SDCCAG8: variants seen among roughly 807,000 people sequenced by gnomAD.
The protein encoded by SDCCAG8 is SHH signaling and ciliogenesis regulator SDCCAG8, also known as serologically defined colon cancer antigen 8.
A neutral mutation model predicts 101.8 loss-of-function variants in SDCCAG8; 74 were observed. The ratio of observed to expected loss-of-function variants is 0.73; its 90% CI spans 0.60 to 0.88. The LOEUF (loss-of-function observed/expected upper bound fraction) is 0.88. Ranked by LOEUF, SDCCAG8 falls within the 40% of genes least tolerant of loss-of-function variation. The probability of loss-of-function intolerance (pLI) is 0.00; values close to 1 mark genes in which losing one functional copy is unlikely to be tolerated. For synonymous variants in SDCCAG8, 281 were observed against 292.9 expected (o/e 0.96, Z 0.41); for missense variants, 787 against 822.6 (o/e 0.96, Z 0.53).
chr1:243,418,286 ATTTGACAT>A (rs2080747684), intron 15 of SDCCAG8, among the ~76,000 whole-genome samples: 1 of 152,142 alleles, frequency 6.6e-6, no homozygotes, highest in African/African-American at 2.4e-5. Context: ...ATGTACTATT[ATTTGACAT>A]TTCAATGTTT....
intron 16 of SDCCAG8, among the ~76,000 whole-genome samples, chr1:243,486,723 C>G (rs1388525192): frequency 2.0e-5 from 3 of 152,338 alleles, no homozygotes; most frequent in Non-Finnish European, 4.4e-5. Context: ...CTGAGCCCAT[C>G]GGTCCAAAGG....
intron 1 of SDCCAG8, chr1:243,267,866 T>G: frequency 8.7e-7 from 1 of 1,151,274 alleles, no homozygotes; most frequent in Non-Finnish European, 1.3e-6. Context: ...CTGCACTAAG[T>G]CCAGTTTGGC....
chr1:243,392,167 C>G (rs764334216), intron 13 of SDCCAG8, among the ~76,000 whole-genome samples: 1 of 152,156 alleles, frequency 6.6e-6, no homozygotes, highest in Non-Finnish European at 1.5e-5. Context: ...TGAGGCTTAT[C>G]TATTCAGGTA....
chr1:243,379,237 CAGT>C (rs2077790140), intron 13 of SDCCAG8, among the ~76,000 whole-genome samples: 1 of 152,206 alleles, frequency 6.6e-6, no homozygotes, highest in African/African-American at 2.4e-5. Context: ...AAAATACTGT[CAGT>C]GGTGAGAGAG....
In SDCCAG8 at chr1:243,416,339, T is replaced by G. The variant is rs554123255; in HGVS notation, c.1744+510T>G. The stretch of plus-strand genomic sequence containing the variant: ...ACTGGAGAAAAGCTTTAGCCATTAA[T>G]CGGTTCTTAATTCACTGTCGCAGCT... On this transcript the variant is annotated intron_variant, in intron 14 of 17. Coordinates refer to ENST00000366541, the MANE Select transcript of SDCCAG8 (RefSeq NM_006642.5). This position sits in a 1 kb window ranked among gnomAD's most constrained non-coding sequence, Gnocchi z 4.3. 3.9e-5 allele frequency among the ~76,000 whole-genome samples: 6 copies of G among 152,214 alleles called. No homozygotes were observed. Among genetic ancestry groups the G allele is most frequent in the Non-Finnish European group, 8.8e-5 (6 of 68,038 alleles).
chr1:243,356,297 A>C (rs1194182092), intron 12 of SDCCAG8, among the ~76,000 whole-genome samples: 1 of 152,086 alleles, frequency 6.6e-6, no homozygotes, highest in Non-Finnish European at 1.5e-5. Flanking sequence ...CAGAACCTGA[A>C]GTTTGAAGTA....
chr1:243,316,965 T>C, intron 9 of SDCCAG8, 72 bp downstream of exon 9: 1 of 1,475,140 alleles, frequency 6.8e-7, no homozygotes, highest in Non-Finnish European at 9.3e-7. Context: ...ATTTATTTGG[T>C]TATTCTTCTA....
chr1:243,397,769 C>T (rs2079115407), intron 13 of SDCCAG8, among the ~76,000 whole-genome samples: 1 of 152,232 alleles, frequency 6.6e-6, no homozygotes, highest in Non-Finnish European at 1.5e-5. Context: ...TTTCAGTGAC[C>T]TGCCTTTGGG....
chr1:243,280,111 C>G (rs1558226395), intron 4 of SDCCAG8, among the ~76,000 whole-genome samples: 4 of 152,132 alleles, frequency 2.6e-5, no homozygotes, highest in Admixed American at 2.6e-4. Context: ...ATCTATTCCT[C>G]CCTCTGTGAG....
At chr1:243,373,469 G>A (rs185939816) in intron 12 of SDCCAG8, among the ~76,000 whole-genome samples, 45 of 152,164 alleles carry the variant, frequency 3.0e-4, no homozygotes, top group Non-Finnish European at 5.9e-4. Flanking sequence ...GGTCAGGTAC[G>A]CTTTGGCTGA....
chr1:243,256,084 C>A lies in SDCCAG8; in HGVS notation c.-90C>A, dbSNP rs2066624266. On this transcript the variant is annotated 5_prime_UTR_variant, in exon 1 of 18. Transcript: ENST00000366541. ...ACAGCCGCGGCAGGAAGCAGGCGGGCGCTCCCCGGCCACAGGCCTGTTGTT... is the reference window on the plus strand; with the variant it reads ...ACAGCCGCGGCAGGAAGCAGGCGGGAGCTCCCCGGCCACAGGCCTGTTGTT... 1.6e-6 allele frequency: 2 copies of A among 1,240,736 alleles called. No homozygotes were observed. The highest frequency in any genetic ancestry group is 1.2e-6 in the Non-Finnish European group (1 of 840,172). The allele number at this position is 1,240,736 out of a possible 1,614,324, so 76.9% of individuals were successfully genotyped here. A position where few individuals can be genotyped will look rare whatever the true frequency, so the allele number is the denominator to read the frequency against.
At position 243,270,219 on chromosome 1, in the gene SDCCAG8, C is replaced by A. The variant is rs1466620787; in HGVS notation, c.182C>A (p.Ala61Asp). Residue 61 changes from alanine to aspartate, a missense_variant, in exon 2 of 18, where the codon GCC becomes GAC. By Grantham distance (126) the Ala-to-Asp change is moderately radical. Coordinates refer to ENST00000366541, the MANE Select transcript of SDCCAG8 (RefSeq NM_006642.5). ...SFSTSVGNED[A>D]RTAWPELQQS... The stretch of plus-strand genomic sequence containing the variant: ...AGCACCAGTGTGGGAAATGAGGACG[C>A]CAGGACAGCCTGGCCCGAATTACAA... The A allele has an allele frequency of 2.5e-6, 4 of 1,614,120 alleles. No homozygotes were observed. The highest frequency in any genetic ancestry group is 3.4e-6 in the Non-Finnish European group (4 of 1,180,010).
At chr1:243,415,896 A>G in intron 14 of SDCCAG8, 67 bp downstream of exon 14, 1 of 1,584,338 alleles carries the variant, frequency 6.3e-7, no homozygotes, top group South Asian at 1.1e-5. Context: ...CTTACTGTGA[A>G]ATGACATCAG....
Position 243,344,238 on chromosome 1 carries a change from G to T in SDCCAG8, c.1380G>T (p.Gln460His). 1 of 1,613,920 alleles carries T rather than the reference G, an allele frequency of 6.2e-7. No homozygotes were observed. The highest frequency in any genetic ancestry group is 8.5e-7 in the Non-Finnish European group (1 of 1,179,870). Residue 460 changes from glutamine (Q) to histidine (H), a missense_variant, in exon 12 of 18, where the codon CAG (glutamine) becomes CAT (histidine). By Grantham distance (24) the Gln-to-His change is conservative (BLOSUM62 0). Coordinates refer to ENST00000366541, the MANE Select transcript of SDCCAG8 (RefSeq NM_006642.5). The stretch of plus-strand genomic sequence containing the variant: ...AGGTGTGTGGAGAAATGCGCTATCA[G>T]CTGAATAAAACCAACATGGAGAAGG... Reference protein sequence around the residue: ...VTKVCGEMRYQLNKTNMEKDE... With the variant: ...VTKVCGEMRYHLNKTNMEKDE...
intron 17 of SDCCAG8, among the ~76,000 whole-genome samples, chr1:243,495,912 G>A (rs541485880): frequency 2.0e-5 from 3 of 152,256 alleles, no homozygotes; most frequent in Non-Finnish European, 4.4e-5. Context: ...GGGAGAGTCT[G>A]GACTTTGAGG....
chr1:243,454,260 G>A (rs137945790), intron 16 of SDCCAG8, among the ~76,000 whole-genome samples: 32 of 152,074 alleles, frequency 2.1e-4, no homozygotes, highest in Non-Finnish European at 3.2e-4. Flanking sequence ...CATATATACC[G>A]TGCAAGATGA....
chr1:243,354,151 A>G (rs80156202), intron 12 of SDCCAG8, among the ~76,000 whole-genome samples: 2 of 152,186 alleles, frequency 1.3e-5, no homozygotes, highest in African/African-American at 4.8e-5. Flanking sequence ...TTCCCAGTGA[A>G]GTGAGAAGCT....
intron 16 of SDCCAG8, among the ~76,000 whole-genome samples, chr1:243,442,023 G>A (rs1238560111): frequency 6.6e-6 from 1 of 152,116 alleles, no homozygotes; most frequent in Non-Finnish European, 1.5e-5. Flanking sequence ...GCTCTTTAAA[G>A]ATGGAAACTA....
chr1:243,487,815 G>C (rs912511169), intron 16 of SDCCAG8: 2 of 152,554 alleles, frequency 1.3e-5, no homozygotes, highest in South Asian at 2.1e-4. Flanking sequence ...CGCCTCCCCC[G>C]GCACAGGTAG....
Sources: allele counts gnomAD v4.1 joint callset (sites outside exome capture counted in the v4.1 genomes callset), GRCh38; gene constraint gnomAD v4.1.1; non-coding constraint Gnocchi (gnomAD v3.1); transcripts MANE v1.5; gene names NCBI Gene and HGNC (gene_info 2026-07-23, HGNC 2026-07-21).